The following TSNARE1 variants were observed in gnomAD, a reference collection of about 807,000 sequenced individuals.
TSNARE1 encodes the protein t-SNARE domain containing 1, also known as t-SNARE domain-containing protein 1.
Under a neutral mutation model 62.0 loss-of-function variants are expected in TSNARE1, and 49 were observed. That is an observed-to-expected ratio of 0.79 (90% CI 0.63 to 1.00). The LOEUF (loss-of-function observed/expected upper bound fraction) is 1.00. TSNARE1 is among the 50% of genes least tolerant of loss of function. The probability of loss-of-function intolerance (pLI) is 0.00; values close to 1 mark genes in which losing one functional copy is unlikely to be tolerated. For synonymous variants in TSNARE1, 328 were observed against 294.4 expected (o/e 1.11, Z -1.17); for missense variants, 755 against 700.1 (o/e 1.08, Z -0.88).
At chr8:142,352,576 T>C (rs1834241453) in intron 2 of TSNARE1, among the ~76,000 whole-genome samples, 1 of 152,196 alleles carries the variant, frequency 6.6e-6, no homozygotes, top group Non-Finnish European at 1.5e-5. Flanking sequence ...CGCGGTGTGC[T>C]CACAGAACCC....
intron 10 of TSNARE1, 82 bp from the exon 11 acceptor site, chr8:142,284,567 T>C (rs1196846132): frequency 3.3e-6 from 4 of 1,203,472 alleles, no homozygotes; most frequent in African/African-American, 3.0e-5. Context: ...CCATGGAACC[T>C]GGGGCGGGCC....
intron 1 of TSNARE1, among the ~76,000 whole-genome samples, chr8:142,386,799 A>G (rs1837145163): frequency 6.6e-6 from 1 of 152,220 alleles, no homozygotes; most frequent in Admixed American, 6.5e-5. Flanking sequence ...CTACGCAACA[A>G]ATCACATAGC....
intron 11 of TSNARE1, among the ~76,000 whole-genome samples, chr8:142,283,504 C>T (rs112823183): frequency 1.1e-3 from 110 of 103,972 alleles, no homozygotes; most frequent in African/African-American, 2.1e-3. Flanking sequence ...TGAGCGGAGG[C>T]GGGACCAGTG....
At chr8:142,275,384 G>A (rs1262708250) in intron 11 of TSNARE1, 29 of 985,314 alleles carry the variant, frequency 2.9e-5, no homozygotes, top group East Asian at 2.3e-4. Context: ...TTGTGCTGCC[G>A]TGCGGGGATC....
At chr8:142,261,192 A>G (rs1323992444) in intron 12 of TSNARE1, among the ~76,000 whole-genome samples, 1 of 92,626 alleles carries the variant, frequency 1.1e-5, no homozygotes, top group Non-Finnish European at 2.2e-5. Flanking sequence ...GGGAGGAAGG[A>G]GAGAGGAAGG....
intron 6 of TSNARE1, among the ~76,000 whole-genome samples, chr8:142,328,579 C>G (rs1345857701): frequency 2.0e-5 from 3 of 152,210 alleles, no homozygotes; most frequent in Non-Finnish European, 4.4e-5. Flanking sequence ...AATTGCCTTG[C>G]TGAGAAAATT....
At chr8:142,329,016 T>C (rs1830648243) in intron 6 of TSNARE1, among the ~76,000 whole-genome samples, 1 of 152,198 alleles carries the variant, frequency 6.6e-6, no homozygotes, top group African/African-American at 2.4e-5. Flanking sequence ...GACGAAATGA[T>C]GGCGGCCGTG....
chr8:142,293,514 G>T (rs1330313371), intron 10 of TSNARE1, among the ~76,000 whole-genome samples: 1 of 152,238 alleles, frequency 6.6e-6, no homozygotes, highest in Non-Finnish European at 1.5e-5. Flanking sequence ...AGTAAACCGA[G>T]GCTCCAGGAG....
At chr8:142,338,772 C>T (rs937550814) in intron 4 of TSNARE1, among the ~76,000 whole-genome samples, 10 of 152,226 alleles carry the variant, frequency 6.6e-5, no homozygotes, top group Non-Finnish European at 1.3e-4. Flanking sequence ...CTTGAGCTAG[C>T]GCTGGGTGCC....
chr8:142,287,428 C>T (rs1822947384), intron 10 of TSNARE1, among the ~76,000 whole-genome samples: 1 of 103,852 alleles, frequency 9.6e-6, no homozygotes, highest in Non-Finnish European at 2.0e-5. Flanking sequence ...ATCTCAGGGA[C>T]AGTGGGCCGC....
chr8:142,274,234 G>T, intron 12 of TSNARE1: 1 of 985,452 alleles, frequency 1.0e-6, no homozygotes, highest in Non-Finnish European at 1.2e-6. Context: ...TCTCAGCTGG[G>T]CCACAGTCTC....
intron 9 of TSNARE1, among the ~76,000 whole-genome samples, chr8:142,306,429 T>C (rs1040523163): frequency 6.6e-6 from 1 of 152,226 alleles, no homozygotes; most frequent in East Asian, 1.9e-4. Context: ...ACTGGGGCCA[T>C]TGCCCTGATG....
intron 1 of TSNARE1, among the ~76,000 whole-genome samples, chr8:142,356,779 G>A (rs1328093517): frequency 6.6e-6 from 1 of 152,156 alleles, no homozygotes; most frequent in Non-Finnish European, 1.5e-5. Flanking sequence ...GAGGCATGGA[G>A]AGGTGAGGTA....
At chr8:142,243,749 T>A (rs1817764968) in intron 12 of TSNARE1, among the ~76,000 whole-genome samples, 1 of 152,226 alleles carries the variant, frequency 6.6e-6, no homozygotes, top group Non-Finnish European at 1.5e-5. Context: ...AGAATGTATT[T>A]AAAATGTTCT....
intron 6 of TSNARE1, among the ~76,000 whole-genome samples, chr8:142,324,358 G>C (rs960685755): frequency 6.6e-6 from 1 of 152,170 alleles, no homozygotes; most frequent in Non-Finnish European, 1.5e-5. Flanking sequence ...ACTCCTGTGC[G>C]AGGTCTGCAC....
chr8:142,393,697 G>C (rs572866526), intron 1 of TSNARE1, among the ~76,000 whole-genome samples: 17 of 152,328 alleles, frequency 1.1e-4, no homozygotes, highest in Admixed American at 7.2e-4. Flanking sequence ...GAGGCCTAGA[G>C]GGAGGTGAAG....
chr8:142,336,139 G>A (rs564315132), intron 4 of TSNARE1, among the ~76,000 whole-genome samples: 23 of 152,154 alleles, frequency 1.5e-4, no homozygotes, highest in Admixed American at 9.8e-4. Flanking sequence ...AAATTGGCCA[G>A]CTGTGGTGAT....
chr8:142,312,151 A>G (rs965788380), intron 9 of TSNARE1, among the ~76,000 whole-genome samples: 8 of 152,236 alleles, frequency 5.3e-5, no homozygotes, highest in Non-Finnish European at 4.4e-5. Flanking sequence ...TGTTCCAATG[A>G]GCATTTCCTT....
chr8:142,368,411 T>C (rs991735467), intron 1 of TSNARE1, among the ~76,000 whole-genome samples: 2 of 152,122 alleles, frequency 1.3e-5, no homozygotes, highest in East Asian at 3.9e-4. Context: ...CTTCTGCCCA[T>C]GACTAGGAAG....
Sources: gnomAD v4.1 joint callset for allele counts (sites outside exome capture counted in the v4.1 genomes callset) on GRCh38, gnomAD v4.1.1 for gene constraint, MANE v1.5 for transcripts, NCBI Gene and HGNC (gene_info 2026-07-23, HGNC 2026-07-21) for gene names.